KCNQ1: variants seen among roughly 807,000 people sequenced by gnomAD.
KCNQ1 encodes the protein potassium voltage-gated channel subfamily KQT member 1.
In KCNQ1, 49 loss-of-function variants were observed where a neutral mutation model predicts 72.4. The observed-to-expected ratio is 0.68, with a 90% CI of 0.54 to 0.86. The LOEUF is 0.86. KCNQ1 is among the 40% of genes least tolerant of loss of function. The pLI is 0.00. For missense variants in KCNQ1, 790 were observed against 945.1 expected (o/e 0.84, Z 2.15); for synonymous variants, 450 against 412.6 (o/e 1.09, Z -1.10).
rs1850460435 is a variant in KCNQ1, at chr11:2,685,057, T to C, written c.1514+22976T>C. On this transcript the variant is annotated intron_variant, in intron 11 of 15. Coordinates refer to ENST00000155840, the MANE Select transcript of KCNQ1 (RefSeq NM_000218.3). Reference sequence around the variant, plus strand: ...GAGCACATTTCCTGGATTTAAAATGTATGGGACAGCCTGTGAGAATTACAG... The same window carrying C: ...GAGCACATTTCCTGGATTTAAAATGCATGGGACAGCCTGTGAGAATTACAG... The C allele has an allele frequency of 7.5e-6, 3 of 398,560 alleles. No individual in the cohort carries two copies. In the South Asian group the frequency reaches 3.8e-4, roughly 51 times the overall value. The allele number at this position is 398,560 out of a possible 1,614,324, so 24.7% of individuals were successfully genotyped here.
intron 10 of KCNQ1, chr11:2,628,968 G>A (rs982163022): frequency 4.3e-5 from 17 of 398,062 alleles, no homozygotes; most frequent in African/African-American, 3.3e-4. Context: ...TGTTCCATTG[G>A]TTTATTTCTA....
chr11:2,445,233 GGCGGGCGGCGCGCTCTACGCGCCCATC>G lies in KCNQ1; in HGVS notation c.139_165del (p.Gly47_Ala55del). On this transcript the variant is annotated inframe_deletion, in exon 1 of 16. Coordinates refer to ENST00000155840, the MANE Select transcript of KCNQ1 (RefSeq NM_000218.3). ...CGCTGGAGCTGGCGGAGGGCGGCCC[GGCGGGCGGCGCGCTCTACGCGCCCATC>G]GCGCCCGGCGCCCCAGGTCCCGCGC... The G allele has an allele frequency of 8.8e-7, 1 of 1,142,366 alleles. No homozygotes were observed. The highest frequency in any genetic ancestry group is 1.1e-6 in the Non-Finnish European group (1 of 929,648). 70.8% of individuals were successfully genotyped at this position (1,142,366 alleles called of 1,614,324 possible). A position where few individuals can be genotyped will look rare whatever the true frequency, so the allele number is the denominator to read the frequency against.
chr11:2,532,384 C>T (rs1410616143), intron 2 of KCNQ1, among the ~76,000 whole-genome samples: 2 of 152,254 alleles, frequency 1.3e-5, no homozygotes, highest in South Asian at 2.1e-4. Flanking sequence ...GATGGAGACA[C>T]CCTCCCACTC....
At chr11:2,531,371 G>A (rs573177517) in intron 2 of KCNQ1, among the ~76,000 whole-genome samples, 29 of 152,278 alleles carry the variant, frequency 1.9e-4, no homozygotes, top group African/African-American at 3.6e-4. Flanking sequence ...GCCCCCATGC[G>A]GCATCTAAAC....
chr11:2,515,124 G>A lies in KCNQ1; in HGVS notation c.387-12804G>A, dbSNP rs568482088. On this transcript the variant is annotated intron_variant, in intron 1 of 15. Coordinates refer to ENST00000155840, the MANE Select transcript of KCNQ1 (RefSeq NM_000218.3). This position sits in a 1 kb window ranked among gnomAD's most constrained non-coding sequence, Gnocchi z 4.7. ...TGGGCTTCTCGTGCGCCCATCAGCC[G>A]GATATTGGACGTTATACTCAATAGG... Among the ~76,000 whole-genome samples, 2 of 152,240 alleles carry A rather than the reference G, an allele frequency of 1.3e-5. No individual in the cohort carries two copies. Among genetic ancestry groups the A allele is most frequent in the African/African-American group, 2.4e-5 (1 of 41,538 alleles).
At position 2,530,585 on chromosome 11, in the gene KCNQ1, G is replaced by A. The variant is rs77815759; in HGVS notation, c.477+2567G>A. Among the ~76,000 whole-genome samples the A allele has an allele frequency of 2.4e-3, 367 of 152,346 alleles. 3 individuals are homozygous for A. Among genetic ancestry groups the A allele is most frequent in the South Asian group, 5.0e-3 (24 of 4,834 alleles). Reference sequence around the variant, plus strand: ...CGGGAATGTGTACACGCATGTGCGTGTTTATGGGTGAGCTGTGTGCTTAAG... The same window carrying A: ...CGGGAATGTGTACACGCATGTGCGTATTTATGGGTGAGCTGTGTGCTTAAG... On this transcript the variant is annotated intron_variant, in intron 2 of 15. Coordinates refer to ENST00000155840, the MANE Select transcript of KCNQ1 (RefSeq NM_000218.3).
At chr11:2,604,775 C>A (rs1323620291) in intron 10 of KCNQ1, among the ~76,000 whole-genome samples, 2 of 152,102 alleles carry the variant, frequency 1.3e-5, no homozygotes, top group Non-Finnish European at 2.9e-5. Context: ...GATCTCCTGA[C>A]CTCGTGATCC....
intron 2 of KCNQ1, among the ~76,000 whole-genome samples, chr11:2,556,917 CAG>C (rs1352065949): frequency 1.3e-5 from 2 of 152,186 alleles, no homozygotes; most frequent in Non-Finnish European, 2.9e-5. Flanking sequence ...GAGAAGTCAA[CAG>C]AGTCAAATAG....
intron 11 of KCNQ1, chr11:2,689,409 G>T (rs1564859006): frequency 2.5e-6 from 1 of 398,680 alleles, no homozygotes; most frequent in Non-Finnish European, 4.4e-6. Context: ...CTTGGGAAAT[G>T]GGGAGCATAG....
intron 10 of KCNQ1, among the ~76,000 whole-genome samples, chr11:2,604,081 G>A (rs1343463111): frequency 2.0e-5 from 3 of 152,164 alleles, no homozygotes; most frequent in Admixed American, 2.0e-4. Context: ...TTGTTGATAA[G>A]CATTTTAGAT....
rs1373626120 is a variant in KCNQ1, at chr11:2,703,219, G to C, written c.1514+41138G>C. ...GCCAGCTCCCTTTCTGAATTGTTCT[G>C]TGGGTTGTGGAAGGCTTTGAAATTT... On this transcript the variant is annotated intron_variant, in intron 11 of 15. Coordinates refer to ENST00000155840, the MANE Select transcript of KCNQ1 (RefSeq NM_000218.3). This position sits in a 1 kb window ranked among gnomAD's most constrained non-coding sequence, Gnocchi z 6.4. Among the ~76,000 whole-genome samples the C allele has an allele frequency of 6.6e-6, 1 of 152,184 alleles. No individual in the cohort carries two copies. The highest frequency in any genetic ancestry group is 1.5e-5 in the Non-Finnish European group (1 of 68,030).
chr11:2,470,736 T>C (rs1846438249), intron 1 of KCNQ1, among the ~76,000 whole-genome samples: 1 of 152,006 alleles, frequency 6.6e-6, no homozygotes, highest in Non-Finnish European at 1.5e-5. Flanking sequence ...TTTATTTTTA[T>C]TTCTCATTGC....
chr11:2,618,287 C>T, intron 10 of KCNQ1: 2 of 398,466 alleles, frequency 5.0e-6, no homozygotes, highest in Non-Finnish European at 4.4e-6. Flanking sequence ...AATACACTAA[C>T]AATAACAACA....
At position 2,642,416 on chromosome 11, in the gene KCNQ1, G is replaced by A. The variant is rs1361408039; in HGVS notation, c.1394-19545G>A. ...TTCTTTCTCAGCTGGTTCTTTATTG[G>A]TATATAGAAATAAGCCTGATTTTTA... On this transcript the variant is annotated intron_variant, in intron 10 of 15. Coordinates refer to ENST00000155840, the MANE Select transcript of KCNQ1 (RefSeq NM_000218.3). This position sits in a 1 kb window ranked among gnomAD's most constrained non-coding sequence, Gnocchi z 4.3. 2 of 397,746 alleles carry A rather than the reference G, an allele frequency of 5.0e-6. No individual in the cohort carries two copies. Among genetic ancestry groups the A allele is most frequent in the South Asian group, 1.3e-4 (1 of 7,848 alleles). 24.6% of individuals were successfully genotyped at this position (397,746 alleles called of 1,614,324 possible).
chr11:2,683,005 C>T lies in KCNQ1; in HGVS notation c.1514+20924C>T. Reference sequence around the variant, plus strand: ...CAGACATCTCCCTTGTGCTGTGCAGCCTTAGTTCTGCCTCCTGAGAGAGGT... The same window carrying T: ...CAGACATCTCCCTTGTGCTGTGCAGTCTTAGTTCTGCCTCCTGAGAGAGGT... On this transcript the variant is annotated intron_variant, in intron 11 of 15. Transcript: ENST00000155840. The surrounding 1 kb of genome is among the most constrained non-coding windows in gnomAD (Gnocchi z 4.7). The T allele has an allele frequency of 5.0e-6, 2 of 398,606 alleles. No individual in the cohort carries two copies. The highest frequency in any genetic ancestry group is 4.4e-6 in the Non-Finnish European group (1 of 226,098). 24.7% of individuals were successfully genotyped at this position (398,606 alleles called of 1,614,324 possible). A position where few individuals can be genotyped will look rare whatever the true frequency, so the allele number is the denominator to read the frequency against.
At chr11:2,709,026 A>C (rs184454213) in intron 11 of KCNQ1, among the ~76,000 whole-genome samples, 2 of 152,094 alleles carry the variant, frequency 1.3e-5, no homozygotes, top group African/African-American at 2.4e-5. Flanking sequence ...GGGCCTTATA[A>C]ACTCCGTGTG....
intron 2 of KCNQ1, among the ~76,000 whole-genome samples, chr11:2,530,865 G>A (rs917405848): frequency 6.6e-6 from 1 of 152,162 alleles, no homozygotes; most frequent in East Asian, 1.9e-4. Flanking sequence ...CTATGTGTAT[G>A]TACGTGTGTT....
At chr11:2,610,192 C>A (rs902217491) in intron 10 of KCNQ1, 3 of 397,662 alleles carry the variant, frequency 7.5e-6, no homozygotes, top group Non-Finnish European at 1.3e-5. Flanking sequence ...AGTGTTTGCT[C>A]TAGGGCTTAC....
chr11:2,505,640 C>T (rs1216336886), intron 1 of KCNQ1, among the ~76,000 whole-genome samples: 2 of 152,144 alleles, frequency 1.3e-5, no homozygotes, highest in Non-Finnish European at 2.9e-5. Context: ...GTCTTTTGAT[C>T]GTTAGCTGTT....
Sources: gnomAD v4.1 joint callset for allele counts (sites outside exome capture counted in the v4.1 genomes callset) on GRCh38, gnomAD v4.1.1 for gene constraint, Gnocchi (gnomAD v3.1) non-coding constraint, MANE v1.5 for transcripts, NCBI Gene and HGNC (gene_info 2026-07-23, HGNC 2026-07-21) for gene names.